The following NEGR1 variants were observed in gnomAD, a reference collection of about 807,000 sequenced individuals.
NEGR1 encodes neuronal growth regulator 1, also known as IgLON family member 4.
A neutral mutation model predicts 40.9 loss-of-function variants in NEGR1; 10 were observed. The ratio of observed to expected loss-of-function variants is 0.24; its 90% CI spans 0.15 to 0.42. The LOEUF is 0.42. NEGR1 is among the 10% of genes least tolerant of loss of function. NEGR1 has a pLI of 1.00. For missense variants in NEGR1, 352 were observed against 438.9 expected, an observed-to-expected ratio of 0.80 and a Z score of 1.77; for synonymous variants, 185 against 166.8, an observed-to-expected ratio of 1.11 and a Z score of -0.84.
intron 6 of NEGR1, among the ~76,000 whole-genome samples, chr1:71,526,278 A>G (rs1210090181): frequency 1.3e-5 from 2 of 151,564 alleles, no homozygotes; most frequent in African/African-American, 4.8e-5. Context: ...AAGCTTGATT[A>G]TTTTAAATTA....
chr1:71,804,834 G>A (rs1657695192), intron 2 of NEGR1, among the ~76,000 whole-genome samples: 1 of 152,158 alleles, frequency 6.6e-6, no homozygotes, highest in Non-Finnish European at 1.5e-5. Flanking sequence ...CAGGATAACA[G>A]CAATGATAAG....
At chr1:71,578,977 T>C (rs1649044907) in intron 6 of NEGR1, among the ~76,000 whole-genome samples, 1 of 152,166 alleles carries the variant, frequency 6.6e-6, no homozygotes, top group Non-Finnish European at 1.5e-5. Flanking sequence ...GTAGGCTTCA[T>C]CTTAGTAACT....
chr1:71,460,323 G>A (rs1203904875), intron 6 of NEGR1, among the ~76,000 whole-genome samples: 2 of 152,128 alleles, frequency 1.3e-5, no homozygotes, highest in Non-Finnish European at 2.9e-5. Flanking sequence ...TGATATGGAC[G>A]ACAGGGCCTG....
At chr1:71,771,168 G>A (rs1656306027) in intron 3 of NEGR1, among the ~76,000 whole-genome samples, 1 of 152,132 alleles carries the variant, frequency 6.6e-6, no homozygotes, top group African/African-American at 2.4e-5. Context: ...GATGAAGCTG[G>A]AAACCATCAT....
intron 4 of NEGR1, among the ~76,000 whole-genome samples, chr1:71,692,170 T>C (rs1653305652): frequency 6.6e-6 from 1 of 151,748 alleles, no homozygotes; most frequent in South Asian, 2.1e-4. Flanking sequence ...AGTGAATATA[T>C]AAATGTAGAT....
At chr1:72,023,419 C>G (rs779804347) in intron 1 of NEGR1, among the ~76,000 whole-genome samples, 5 of 151,726 alleles carry the variant, frequency 3.3e-5, no homozygotes, top group Non-Finnish European at 5.9e-5. Flanking sequence ...CTGGATGAAT[C>G]CTAAAAGCTG....
At chr1:72,194,553 TG>T (rs1034697542) in intron 1 of NEGR1, among the ~76,000 whole-genome samples, 8 of 152,044 alleles carry the variant, frequency 5.3e-5, no homozygotes, top group African/African-American at 1.9e-4. Flanking sequence ...TTTTACCTTC[TG>T]GGGGATAGTA....
At chr1:71,702,754 A>G (rs1440220563) in intron 3 of NEGR1, among the ~76,000 whole-genome samples, 1 of 151,510 alleles carries the variant, frequency 6.6e-6, no homozygotes, top group African/African-American at 2.4e-5. Flanking sequence ...ACTTTCAGAC[A>G]TTGGACAGTA....
intron 1 of NEGR1, among the ~76,000 whole-genome samples, chr1:71,990,914 A>T (rs893999958): frequency 1.1e-3 from 125 of 118,866 alleles, no homozygotes; most frequent in African/African-American, 3.8e-3. Flanking sequence ...ATATATATAT[A>T]TATATTTTTT....
intron 1 of NEGR1, among the ~76,000 whole-genome samples, chr1:72,177,289 A>T (rs1290088526): frequency 1.3e-5 from 2 of 152,036 alleles, no homozygotes; most frequent in Non-Finnish European, 2.9e-5. Context: ...AGGTGATATG[A>T]TGTGATGAGT....
chr1:72,246,823 T>C (rs1386463488), intron 1 of NEGR1, among the ~76,000 whole-genome samples: 1 of 152,236 alleles, frequency 6.6e-6, no homozygotes, highest in Non-Finnish European at 1.5e-5. Context: ...GCTCTGCCCT[T>C]ACAAAGGCTT....
chr1:72,179,436 C>A (rs936309540), intron 1 of NEGR1, among the ~76,000 whole-genome samples: 4 of 151,890 alleles, frequency 2.6e-5, no homozygotes, highest in Non-Finnish European at 5.9e-5. Context: ...ACATAGTATT[C>A]TTGTGGCAAT....
chr1:72,113,947 C>T, intron 1 of NEGR1, among the ~76,000 whole-genome samples: 1 of 151,672 alleles, frequency 6.6e-6, no homozygotes, highest in East Asian at 1.9e-4. Context: ...CTATTGAAAC[C>T]ACATCCTCTA....
chr1:72,261,752 T>A (rs991466198), intron 1 of NEGR1, among the ~76,000 whole-genome samples: 1 of 151,932 alleles, frequency 6.6e-6, no homozygotes, highest in Admixed American at 6.6e-5. Flanking sequence ...CTAGGTGAAA[T>A]AATTCAGAAA....
chr1:71,601,022 G>A (rs533777449), intron 5 of NEGR1, among the ~76,000 whole-genome samples: 1 of 152,242 alleles, frequency 6.6e-6, no homozygotes, highest in East Asian at 1.9e-4. Context: ...GGAAAACATA[G>A]AATTACGTTC....
At chr1:72,235,919 G>A (rs1396440153) in intron 1 of NEGR1, among the ~76,000 whole-genome samples, 2 of 151,938 alleles carry the variant, frequency 1.3e-5, no homozygotes, top group African/African-American at 2.4e-5. Context: ...TTTTTAAAGT[G>A]AGGTAGTAAA....
At chr1:71,919,264 A>G (rs1055996037) in intron 2 of NEGR1, among the ~76,000 whole-genome samples, 6 of 152,128 alleles carry the variant, frequency 3.9e-5, no homozygotes, top group Non-Finnish European at 8.8e-5. Context: ...ATCAAACCCA[A>G]GCTGATCCAA....
intron 3 of NEGR1, among the ~76,000 whole-genome samples, chr1:71,732,876 T>A (rs1184576138): frequency 6.6e-6 from 1 of 152,110 alleles, no homozygotes; most frequent in Non-Finnish European, 1.5e-5. Flanking sequence ...TATAGAAAGT[T>A]CTCTTAATAG....
intron 4 of NEGR1, among the ~76,000 whole-genome samples, chr1:71,688,143 T>G (rs1653099030): frequency 6.6e-6 from 1 of 150,964 alleles, no homozygotes; most frequent in Admixed American, 6.6e-5. Context: ...CACTTTATAT[T>G]GAAGAAATTG....
Sources: gnomAD v4.1 joint callset for allele counts (sites outside exome capture counted in the v4.1 genomes callset) on GRCh38, gnomAD v4.1.1 for gene constraint, MANE v1.5 for transcripts, NCBI Gene and HGNC (gene_info 2026-07-23, HGNC 2026-07-21) for gene names.